The following GRK4 variants were observed in gnomAD, a reference collection of about 807,000 sequenced individuals.
GRK4 encodes G protein-coupled receptor kinase 4.
In GRK4, 73 loss-of-function variants were observed where a neutral mutation model predicts 77.9. That is an observed-to-expected ratio of 0.94 (90% CI 0.78 to 1.14). GRK4 has a LOEUF of 1.14. Among genes scored for constraint, GRK4 ranks in the 50% most tolerant of loss-of-function variants. The pLI, the probability that GRK4 is intolerant of heterozygous loss-of-function variation, is 0.00. For synonymous variants in GRK4, 257 were observed against 254.4 expected (o/e 1.01, Z -0.10); for missense variants, 729 against 700.2 (o/e 1.04, Z -0.46).
In GRK4 at chr4:2,995,034, T is replaced by C. The variant is rs193038664; in HGVS notation, c.339+2742T>C. ...CACTCTTAAGTAAGAATATGTGGTATTTGGTTTTCTGTTCCTGTGTTAGTT... is the reference window on the plus strand; with the variant it reads ...CACTCTTAAGTAAGAATATGTGGTACTTGGTTTTCTGTTCCTGTGTTAGTT... On this transcript the variant is annotated intron_variant, in intron 4 of 15. Transcript: ENST00000398052. Among the ~76,000 whole-genome samples the C allele has an allele frequency of 1.5e-3, 224 of 152,316 alleles. 1 individual carries two copies. The highest frequency in any genetic ancestry group is 3.4e-3 in the Middle Eastern group (1 of 294).
chr4:3,038,288 G>A (rs964415808), intron 14 of GRK4, 88 bp from the exon 15 acceptor site: 1 of 1,544,488 alleles, frequency 6.5e-7, no homozygotes, highest in Non-Finnish European at 8.8e-7. Context: ...CCCGCACGGG[G>A]CTGGGCAGGA....
intron 3 of GRK4, among the ~76,000 whole-genome samples, chr4:2,990,689 A>T (rs910540638): frequency 3.3e-5 from 5 of 151,922 alleles, no homozygotes; most frequent in Admixed American, 6.6e-5. Context: ...GAATTTAGGG[A>T]CCTACTGTTC....
chr4:3,005,250 A>G (rs1730956506), intron 5 of GRK4, among the ~76,000 whole-genome samples: 1 of 151,870 alleles, frequency 6.6e-6, no homozygotes. Flanking sequence ...GTCACAGCGG[A>G]GGAAACGGAG....
chr4:2,972,922 A>C lies in GRK4; in HGVS notation c.52+8800A>C, dbSNP rs552359414. 2.6e-5 allele frequency among the ~76,000 whole-genome samples: 4 copies of C among 152,220 alleles called. 1 individual carries two copies. The highest frequency in any genetic ancestry group is 9.6e-5 in the African/African-American group (4 of 41,512). ...GCTAATGTTTGTATTTTTTGTAGAG[A>C]TGGGGTTTCACCATGTTGCCCTGGC... On this transcript the variant is annotated intron_variant, in intron 1 of 15. Transcript: ENST00000398052.
chr4:2,990,373 C>G (rs1725788465), intron 3 of GRK4, among the ~76,000 whole-genome samples: 1 of 150,804 alleles, frequency 6.6e-6, no homozygotes, highest in South Asian at 2.1e-4. Flanking sequence ...TCTCCTGCCT[C>G]AGCCTCCTGA....
intron 10 of GRK4, among the ~76,000 whole-genome samples, chr4:3,022,836 G>A (rs1482561038): frequency 6.6e-6 from 1 of 151,952 alleles, no homozygotes; most frequent in African/African-American, 2.4e-5. Flanking sequence ...ACAGCTGTGC[G>A]CCACCATGCT....
chr4:2,984,230 C>T (rs1361793133), intron 1 of GRK4, among the ~76,000 whole-genome samples: 4 of 152,090 alleles, frequency 2.6e-5, no homozygotes, highest in Admixed American at 2.6e-4. Context: ...TTATAAGCAG[C>T]CCTGAACAAT....
At chr4:3,020,225 C>T (rs934140112) in intron 9 of GRK4, among the ~76,000 whole-genome samples, 1 of 152,290 alleles carries the variant, frequency 6.6e-6, no homozygotes, top group Middle Eastern at 3.4e-3. Flanking sequence ...AGGCTGGTCT[C>T]GATCTCCTGA....
rs756866243 is a variant in GRK4, at chr4:3,013,742, C to G, written c.655C>G (p.Gln219Glu). 6.3e-7 allele frequency: 1 copy of G among 1,594,936 alleles called. No homozygotes were observed. The highest frequency in any genetic ancestry group is 1.7e-5 in the Admixed American group (1 of 58,256). ...TGKMYACKKL[Q>E]KKRIKKRKGE... ...AAAAATGTATGCCTGCAAAAAGCTACAAAAAAAAAGAATAAAGAAGAGGAA... is the reference window on the plus strand; with the variant it reads ...AAAAATGTATGCCTGCAAAAAGCTAGAAAAAAAAAGAATAAAGAAGAGGAA... Residue 219 changes from glutamine (Q) to glutamate (E), a missense_variant, in exon 8 of 16, where the codon CAA (glutamine) becomes GAA (glutamate). Transcript: ENST00000398052.
chr4:2,989,172 C>T (rs1725379402), intron 3 of GRK4, among the ~76,000 whole-genome samples: 1 of 151,960 alleles, frequency 6.6e-6, no homozygotes, highest in African/African-American at 2.4e-5. Context: ...CAGAGCAAGA[C>T]TCCGTCTCAA....
intron 14 of GRK4, among the ~76,000 whole-genome samples, chr4:3,037,811 A>G (rs1014633578): frequency 2.0e-5 from 3 of 151,736 alleles, no homozygotes; most frequent in Non-Finnish European, 4.4e-5. Context: ...GCTAGTAGGG[A>G]TGCTGAGGCA....
At position 3,027,844 on chromosome 4, in the gene GRK4, A is replaced by G. The variant is rs980977379; in HGVS notation, c.971-68A>G. 5.2e-5 allele frequency: 69 copies of G among 1,339,378 alleles called. 1 individual carries two copies. The South Asian group carries it at 7.9e-4, about 15-fold the overall frequency. The allele number at this position is 1,339,378 out of a possible 1,614,324, so 83.0% of individuals were successfully genotyped here. On this transcript the variant is annotated intron_variant, in intron 10 of 15. Transcript: ENST00000398052. ...TGGTTTTTGAGGGGCCTTTTTTCCC[A>G]TTTTAATTGTTGTTACGGTGTCATT...
At chr4:2,992,106 G>T (rs1184947596) in intron 3 of GRK4, 109 bp from the exon 4 acceptor site, 8 of 626,458 alleles carry the variant, frequency 1.3e-5, no homozygotes, top group African/African-American at 5.6e-5. Flanking sequence ...TCGAACTCTT[G>T]AGCTCAAGTG....
intron 10 of GRK4, among the ~76,000 whole-genome samples, chr4:3,023,342 T>TCACA (rs1736585451): frequency 6.6e-6 from 1 of 152,186 alleles, no homozygotes. Flanking sequence ...CAAGCAGTGC[T>TCACA]GGGAGAGAGC....
intron 8 of GRK4, among the ~76,000 whole-genome samples, chr4:3,019,271 C>T (rs1459123926): frequency 6.6e-6 from 1 of 152,242 alleles, no homozygotes; most frequent in Non-Finnish European, 1.5e-5. Flanking sequence ...TAAGACCTCT[C>T]TTGCACTGCT....
chr4:3,006,663 A>G (rs115472668), intron 5 of GRK4, among the ~76,000 whole-genome samples: 4,604 of 152,204 alleles, frequency 0.03, 92 homozygotes, highest in Middle Eastern at 0.041. Flanking sequence ...AGTCCCAGCT[A>G]TTCAGAAGGC....
chr4:3,024,332 G>A (rs1210377606), intron 10 of GRK4, among the ~76,000 whole-genome samples: 2 of 152,108 alleles, frequency 1.3e-5, no homozygotes, highest in African/African-American at 2.4e-5. Flanking sequence ...TGCGATTGTG[G>A]CACAATTACA....
Position 3,029,229 on chromosome 4 carries a change from T to C in GRK4, c.1089T>C (p.Tyr363=), listed in dbSNP as rs375243762. 5.6e-6 allele frequency: 9 copies of C among 1,613,736 alleles called. No homozygotes were observed. In the African/African-American group the frequency reaches 1.1e-4, roughly 19 times the overall value. The change falls in exon 12 of 16, where the codon TAT becomes TAC. Residue 363 remains tyrosine (Y), a synonymous_variant. Coordinates refer to ENST00000398052, the MANE Select transcript of GRK4 (RefSeq NM_182982.3). ...MAPEVVNNEK[Y]TFSPDWWGLG... is the part of the protein sequence containing the mutation. ...CTGAAGTTGTCAATAATGAAAAGTA[T>C]ACGTTTAGTCCCGATTGGTGGGGAC...
At chr4:2,975,148 C>T (rs1720733982) in intron 1 of GRK4, among the ~76,000 whole-genome samples, 1 of 152,112 alleles carries the variant, frequency 6.6e-6, no homozygotes, top group Non-Finnish European at 1.5e-5. Context: ...ACCAAAAATA[C>T]AAAAATTAGC....
Sources: allele counts gnomAD v4.1 joint callset (sites outside exome capture counted in the v4.1 genomes callset), GRCh38; gene constraint gnomAD v4.1.1; transcripts MANE v1.5; gene names NCBI Gene and HGNC (gene_info 2026-07-23, HGNC 2026-07-21).